DYSF: variants seen among roughly 807,000 people sequenced by gnomAD.
The protein encoded by DYSF is dysferlin.
In DYSF, 212 loss-of-function variants were observed where a neutral mutation model predicts 274.9. That is an observed-to-expected ratio of 0.77 (90% CI 0.69 to 0.86). The LOEUF is 0.86. Among genes scored for constraint, DYSF ranks in the 40% least tolerant of loss-of-function variants. DYSF has a pLI of 0.00. For synonymous variants in DYSF, 1,091 were observed against 1,078.7 expected (o/e 1.01, Z -0.22); for missense variants, 2,666 against 2,783.2 (o/e 0.96, Z 0.95).
intron 3 of DYSF, among the ~76,000 whole-genome samples, chr2:71,497,838 A>C (rs1191778881): frequency 6.6e-6 from 1 of 152,218 alleles, no homozygotes; most frequent in Non-Finnish European, 1.5e-5. Context: ...ATATCTCTAC[A>C]TGTGAGCGTG....
At chr2:71,570,561 A>T (rs367887813) in intron 28 of DYSF, 38 bp from the exon 29 acceptor site, 2 of 1,610,218 alleles carry the variant, frequency 1.2e-6, no homozygotes, top group South Asian at 1.1e-5. Context: ...GATGGGGGGA[A>T]CTGCCAAGCA....
At chr2:71,519,937 A>G (rs1364818725) in intron 10 of DYSF, among the ~76,000 whole-genome samples, 1 of 150,580 alleles carries the variant, frequency 6.6e-6, no homozygotes, top group Non-Finnish European at 1.5e-5. Flanking sequence ...TGCTGGGATT[A>G]CAGGCATGAG....
chr2:71,551,022 T>G lies in DYSF; in HGVS notation c.1577-19T>G. On this transcript the variant is annotated intron_variant, in intron 17 of 55. Transcript: ENST00000410020. ...GCCCCACTGGGCCGACCCCTCTGAT[T>G]GCCACTTGTGTCTCCCAGTGGATGA... 1 of 1,608,772 alleles carries G rather than the reference T, an allele frequency of 6.2e-7. No individual in the cohort carries two copies. Among genetic ancestry groups the G allele is most frequent in the Non-Finnish European group, 8.5e-7 (1 of 1,175,150 alleles).
intron 36 of DYSF, chr2:71,611,007 C>A: frequency 1.8e-6 from 1 of 571,420 alleles, no homozygotes; most frequent in Non-Finnish European, 3.2e-6. Flanking sequence ...TCAGTTGGAA[C>A]AAGGTGACCT....
In DYSF at chr2:71,516,432, G is replaced by T. The variant is rs77936231; in HGVS notation, c.951+190G>T. 0.025 allele frequency among the ~76,000 whole-genome samples: 3,815 copies of T among 152,300 alleles called. 94 individuals carry two copies. The highest frequency in any genetic ancestry group is 0.041 in the Non-Finnish European group (2,781 of 68,016). On this transcript the variant is annotated intron_variant, in intron 9 of 55. Coordinates refer to ENST00000410020, the MANE Select transcript of DYSF (RefSeq NM_001130987.2). ...GGAGACGTGTTAAAGCCTGACATAT[G>T]GATGATGTGGAGTAACTCACAGTCA... is the stretch of plus-strand genomic sequence containing the variant.
intron 36 of DYSF, among the ~76,000 whole-genome samples, chr2:71,607,510 C>T (rs755789844): frequency 1.3e-5 from 2 of 152,142 alleles, no homozygotes; most frequent in African/African-American, 4.8e-5. Context: ...CAAAGAGTGA[C>T]ATTATTAGAA....
chr2:71,571,731 G>A, intron 29 of DYSF, among the ~76,000 whole-genome samples: 1 of 100,598 alleles, frequency 9.9e-6, no homozygotes, highest in East Asian at 3.0e-4. Flanking sequence ...ATCACACCCA[G>A]CACACACACA....
chr2:71,602,614 C>G lies in DYSF; in HGVS notation c.3928-162C>G, dbSNP rs535015188. ...TGGCTGGGAAGTGCATCATTCTTAC[C>G]CTTGGTGGGAGGTGGTTTCTGTTGG... On this transcript the variant is annotated intron_variant, in intron 35 of 55. Transcript: ENST00000410020. 1.2e-5 allele frequency: 8 copies of G among 682,788 alleles called. No individual in the cohort carries two copies. In the African/African-American group the frequency reaches 1.2e-4, roughly 11 times the overall value. The allele number at this position is 682,788 out of a possible 1,614,324, so 42.3% of individuals were successfully genotyped here.
At chr2:71,663,385 GC>G (rs1274061790) in intron 45 of DYSF, among the ~76,000 whole-genome samples, 8 of 152,186 alleles carry the variant, frequency 5.3e-5, no homozygotes, top group Admixed American at 1.3e-4. Flanking sequence ...ACAATCTCTC[GC>G]TGCTACAACC....
chr2:71,512,059 A>T, intron 5 of DYSF, 138 bp downstream of exon 5: 1 of 679,018 alleles, frequency 1.5e-6, no homozygotes, highest in Non-Finnish European at 2.7e-6. Flanking sequence ...AGGCCTGGAA[A>T]GAAGAGGGTG....
At chr2:71,591,086 G>T (rs952382335) in intron 32 of DYSF, among the ~76,000 whole-genome samples, 1 of 152,186 alleles carries the variant, frequency 6.6e-6, no homozygotes, top group African/African-American at 2.4e-5. Flanking sequence ...TCCTCACCTG[G>T]TTCACCTTTT....
chr2:71,543,722 C>T (rs868583297), intron 17 of DYSF, among the ~76,000 whole-genome samples: 2 of 152,184 alleles, frequency 1.3e-5, no homozygotes, highest in Non-Finnish European at 2.9e-5. Flanking sequence ...ACCAGTCAGG[C>T]GTGGCGGCGC....
intron 45 of DYSF, among the ~76,000 whole-genome samples, 164 bp downstream of exon 45, chr2:71,660,815 C>A (rs1266153492): frequency 6.6e-6 from 1 of 152,178 alleles, no homozygotes; most frequent in African/African-American, 2.4e-5. Flanking sequence ...GTTAGCCCTT[C>A]TTTAGCTGCT....
chr2:71,660,590 A>G lies in DYSF; in HGVS notation c.4942A>G (p.Lys1648Glu), dbSNP rs1291989847. 1 of 1,614,008 alleles carries G rather than the reference A, an allele frequency of 6.2e-7. No individual in the cohort carries two copies. Among genetic ancestry groups the G allele is most frequent in the African/African-American group, 1.3e-5 (1 of 74,918 alleles). ...TCCTTACATCAAGATCTCCATAGGGAAGAAATCAGTGAGTGACCAGGATAA... is the reference window on the plus strand; with the variant it reads ...TCCTTACATCAAGATCTCCATAGGGGAGAAATCAGTGAGTGACCAGGATAA... ...CDPYIKISIGKKSVSDQDNYI... is the reference protein window; with the variant it reads ...CDPYIKISIGEKSVSDQDNYI... The change falls in exon 45 of 56, where the codon AAG becomes GAG. Residue 1648 changes from lysine to glutamate, a missense_variant. Transcript: ENST00000410020.
At chr2:71,611,091 C>T (rs1158828296) in intron 36 of DYSF, among the ~76,000 whole-genome samples, 154 bp from the exon 37 acceptor site, 1 of 152,138 alleles carries the variant, frequency 6.6e-6, no homozygotes, top group Admixed American at 6.5e-5. Context: ...TTAGCTTTTT[C>T]GTTTCTGCCT....
At position 71,674,060 on chromosome 2, in the gene DYSF, A is replaced by G. The variant is rs1245739405; in HGVS notation, c.5785-137A>G. On this transcript the variant is annotated intron_variant, in intron 51 of 55. Coordinates refer to ENST00000410020, the MANE Select transcript of DYSF (RefSeq NM_001130987.2). ...GATCTGTCCTTCCCAGTCTTCCCACAGGACCTGGCTCTGGCAGGTCCCTTG... is the reference window on the plus strand; with the variant it reads ...GATCTGTCCTTCCCAGTCTTCCCACGGGACCTGGCTCTGGCAGGTCCCTTG... The G allele has an allele frequency of 5.3e-6, 4 of 756,172 alleles. No individual in the cohort carries two copies. The African/African-American group carries it at 6.9e-5, about 13-fold the overall frequency. 46.8% of individuals were successfully genotyped at this position (756,172 alleles called of 1,614,324 possible). A position where few individuals can be genotyped will look rare whatever the true frequency, so the allele number is the denominator to read the frequency against.
At chr2:71,518,667 C>T (rs1573684295) in intron 10 of DYSF, among the ~76,000 whole-genome samples, 1 of 152,216 alleles carries the variant, frequency 6.6e-6, no homozygotes, top group East Asian at 1.9e-4. Context: ...AGCTTATTTT[C>T]CCCTCTCCCC....
intron 3 of DYSF, among the ~76,000 whole-genome samples, chr2:71,492,866 G>A (rs925655876): frequency 2.6e-5 from 4 of 151,824 alleles, no homozygotes; most frequent in African/African-American, 4.8e-5. Flanking sequence ...AATTTAACAC[G>A]ATGCCATACT....
chr2:71,656,556 A>G (rs1267861113), intron 43 of DYSF, among the ~76,000 whole-genome samples: 1 of 152,058 alleles, frequency 6.6e-6, no homozygotes, highest in Non-Finnish European at 1.5e-5. Context: ...TGACAATTGT[A>G]TTTGTTTTTA....
Sources: gnomAD v4.1 joint callset for allele counts (sites outside exome capture counted in the v4.1 genomes callset) on GRCh38, gnomAD v4.1.1 for gene constraint, MANE v1.5 for transcripts, NCBI Gene and HGNC (gene_info 2026-07-23, HGNC 2026-07-21) for gene names.